The following MGST2 variants were observed in gnomAD, a reference collection of about 807,000 sequenced individuals.
MGST2 encodes microsomal glutathione S-transferase 2.
Under a neutral mutation model 16.6 loss-of-function variants are expected in MGST2, and 9 were observed. That is an observed-to-expected ratio of 0.54 (90% CI 0.33 to 0.95). The LOEUF is 0.95. MGST2 is among the 40% of genes least tolerant of loss of function. MGST2 has a pLI of 0.03. For synonymous variants in MGST2, 79 were observed against 68.0 expected, an observed-to-expected ratio of 1.16 and a Z score of -0.79; for missense variants, 159 against 175.1, an observed-to-expected ratio of 0.91 and a Z score of 0.52.
intron 3 of MGST2, chr4:139,698,204 A>G (rs1218724258): frequency 2.5e-5 from 36 of 1,453,680 alleles, no homozygotes; most frequent in African/African-American, 5.6e-5. Context: ...TAATTGTTAC[A>G]CGTTTGGCAT....
At chr4:139,744,667 G>T (rs1729266174), downstream of MGST2, among the ~76,000 whole-genome samples, 1 of 152,200 alleles carries the variant, frequency 6.6e-6, no homozygotes, top group Non-Finnish European at 1.5e-5. Flanking sequence ...AATGGCAGGG[G>T]CTATGGTGGG....
chr4:139,733,610 A>G (rs7692265), intron 5 of MGST2, among the ~76,000 whole-genome samples: 9,341 of 151,772 alleles, frequency 0.062, 473 homozygotes, highest in Admixed American at 0.14. Context: ...TATTTCCCCA[A>G]ATAATTCCCT....
intron 2 of MGST2, among the ~76,000 whole-genome samples, chr4:139,682,403 G>A (rs1416122179): frequency 6.6e-6 from 1 of 152,112 alleles, no homozygotes; most frequent in African/African-American, 2.4e-5. Flanking sequence ...GAGCTCTTGG[G>A]TCAGAGACAA....
At position 139,666,009 on chromosome 4, in the gene MGST2, C is replaced by G. The variant is rs1423970244; in HGVS notation, c.-11C>G. ...CTTCCCGTGCGCTCTACAAATAGTT[C>G]CGTGAGAAAGATGGCCGGGAACTCG... is the stretch of plus-strand genomic sequence containing the variant. On this transcript the variant is annotated 5_prime_UTR_variant, in exon 1 of 5. Coordinates refer to ENST00000265498, the MANE Select transcript of MGST2 (RefSeq NM_002413.5). 4 of 1,613,984 alleles carry G rather than the reference C, an allele frequency of 2.5e-6. No individual in the cohort carries two copies. In the South Asian group the frequency reaches 3.3e-5, roughly 13 times the overall value.
intron 4 of MGST2, 72 bp from the exon 5 acceptor site, chr4:139,703,944 C>A (rs1046751626): frequency 4.9e-5 from 78 of 1,586,902 alleles, no homozygotes; most frequent in Non-Finnish European, 6.4e-5. Context: ...GATAGGACAG[C>A]CTACCTCAGG....
At chr4:139,681,701 CT>C (rs1731249353) in intron 2 of MGST2, among the ~76,000 whole-genome samples, 1 of 152,042 alleles carries the variant, frequency 6.6e-6, no homozygotes, top group Non-Finnish European at 1.5e-5. Context: ...TTCCAAGTAT[CT>C]TTGTGTCTTT....
chr4:139,678,859 G>T (rs1731096864), intron 2 of MGST2: 5 of 593,650 alleles, frequency 8.4e-6, no homozygotes. Context: ...ATTCAGCAGG[G>T]TATATTTACA....
chr4:139,728,693 C>A (rs935006427), intron 5 of MGST2, among the ~76,000 whole-genome samples: 5 of 152,206 alleles, frequency 3.3e-5, no homozygotes, highest in Non-Finnish European at 7.4e-5. Context: ...GAAGCCCCAG[C>A]TCTCTCCATG....
chr4:139,744,209 A>C (rs979438026), downstream of MGST2, among the ~76,000 whole-genome samples: 3 of 152,230 alleles, frequency 2.0e-5, no homozygotes, highest in African/African-American at 7.2e-5. Context: ...TGGCTGACCT[A>C]ATAGAGGTTC....
chr4:139,703,385 G>A (rs1393193792), intron 3 of MGST2, 70 bp from the exon 4 acceptor site: 20 of 1,248,106 alleles, frequency 1.6e-5, no homozygotes, highest in East Asian at 1.4e-4. Context: ...TTTCTCAGTC[G>A]TCGTACAACA....
At chr4:139,738,936 G>C (rs1398358305) in intron 5 of MGST2, among the ~76,000 whole-genome samples, 2 of 152,160 alleles carry the variant, frequency 1.3e-5, no homozygotes, top group East Asian at 1.9e-4. Flanking sequence ...ACATGGGAGA[G>C]GTAGAAGCTT....
intron 3 of MGST2, among the ~76,000 whole-genome samples, chr4:139,697,804 T>C (rs1727013976): frequency 6.6e-6 from 1 of 152,172 alleles, no homozygotes; most frequent in Admixed American, 6.5e-5. Context: ...GAAATTTACT[T>C]GTTTTAAAAA....
the MGST2 span, among the ~76,000 whole-genome samples, chr4:139,751,214 T>C: frequency 3.9e-5 from 6 of 152,248 alleles, no homozygotes; most frequent in Non-Finnish European, 8.8e-5. Context: ...TTAGATTTTC[T>C]AGGAGACTAC....
At chr4:139,745,500 T>G (rs996850857), downstream of MGST2, among the ~76,000 whole-genome samples, 8 of 152,126 alleles carry the variant, frequency 5.3e-5, no homozygotes, top group Admixed American at 5.2e-4. Flanking sequence ...CTGTGGGAAC[T>G]GAAAAAAGCC....
At chr4:139,704,518 C>T (rs964186056), downstream of MGST2, among the ~76,000 whole-genome samples, 11 of 152,118 alleles carry the variant, frequency 7.2e-5, no homozygotes, top group Admixed American at 5.2e-4. Context: ...AGCAGCTGAG[C>T]CCTTTCATTG....
intron 5 of MGST2, chr4:139,730,985 G>A: frequency 8.5e-6 from 3 of 351,864 alleles, no homozygotes; most frequent in East Asian, 4.8e-5. Flanking sequence ...TCCAAGGAAA[G>A]GGAATAAGCC....
At chr4:139,724,512 G>T (rs1728387398) in intron 5 of MGST2, among the ~76,000 whole-genome samples, 1 of 152,170 alleles carries the variant, frequency 6.6e-6, no homozygotes, top group Non-Finnish European at 1.5e-5. Context: ...AGGGATACTT[G>T]TGAAATTATA....
chr4:139,734,087 AG>A (rs1728831562), intron 5 of MGST2, among the ~76,000 whole-genome samples: 1 of 152,216 alleles, frequency 6.6e-6, no homozygotes, highest in African/African-American at 2.4e-5. Flanking sequence ...AGACACCTAC[AG>A]CCCCCGACTC....
intron 2 of MGST2, among the ~76,000 whole-genome samples, chr4:139,692,577 A>G (rs981643190): frequency 2.5e-4 from 38 of 152,264 alleles, no homozygotes; most frequent in Admixed American, 9.8e-4. Flanking sequence ...CTGTCATCTG[A>G]GGCATGGCAC....
Sources: allele counts gnomAD v4.1 joint callset (sites outside exome capture counted in the v4.1 genomes callset), GRCh38; gene constraint gnomAD v4.1.1; transcripts MANE v1.5; gene names NCBI Gene and HGNC (gene_info 2026-07-23, HGNC 2026-07-21).